The following LRP1B variants were observed in gnomAD, a reference collection of about 807,000 sequenced individuals.
LRP1B encodes low-density lipoprotein receptor-related protein 1B.
A neutral mutation model predicts 556.6 loss-of-function variants in LRP1B; 217 were observed. The observed-to-expected ratio is 0.39, with a 90% confidence interval of 0.35 to 0.44. LRP1B has a LOEUF of 0.44. Ranked by LOEUF, LRP1B falls within the 20% of genes least tolerant of loss-of-function variation. The pLI, the probability that LRP1B is intolerant of heterozygous loss-of-function variation, is 1.00. For synonymous variants in LRP1B, 2,047 were observed against 1,865.8 expected (o/e 1.10, Z -2.50); for missense variants, 5,053 against 5,620.8 (o/e 0.90, Z 3.23).
At chr2:140,850,955 C>T (rs1379083936) in intron 28 of LRP1B, among the ~76,000 whole-genome samples, 2 of 152,038 alleles carry the variant, frequency 1.3e-5, no homozygotes, top group East Asian at 3.9e-4. Flanking sequence ...TTGTTGTTGT[C>T]TTTCAGGTTA....
At chr2:140,446,152 T>C (rs1686650906) in intron 63 of LRP1B, among the ~76,000 whole-genome samples, 1 of 152,164 alleles carries the variant, frequency 6.6e-6, no homozygotes. Flanking sequence ...AATTATCTCA[T>C]ACTTTAAGCA....
chr2:141,191,713 C>A (rs1681519715), intron 6 of LRP1B, among the ~76,000 whole-genome samples: 1 of 149,336 alleles, frequency 6.7e-6, no homozygotes, highest in Non-Finnish European at 1.5e-5. Context: ...TTAACCAGGG[C>A]TTTAAAAGTG....
At chr2:141,071,124 A>G (rs1322072563) in intron 7 of LRP1B, among the ~76,000 whole-genome samples, 16 of 151,700 alleles carry the variant, frequency 1.1e-4, no homozygotes, top group Non-Finnish European at 8.8e-5. Flanking sequence ...CTGGCACACC[A>G]AATCCAGCAG....
intron 7 of LRP1B, among the ~76,000 whole-genome samples, chr2:141,114,903 C>T (rs944154421): frequency 6.6e-6 from 1 of 151,894 alleles, no homozygotes; most frequent in Admixed American, 6.6e-5. Flanking sequence ...ATTTTTAAAT[C>T]AGGGGCATGC....
intron 74 of LRP1B, among the ~76,000 whole-genome samples, 183 bp from the exon 75 acceptor site, chr2:140,356,659 C>T (rs749657218): frequency 5.3e-5 from 8 of 151,764 alleles, no homozygotes; most frequent in Non-Finnish European, 1.2e-4. Flanking sequence ...AGTATAAAAA[C>T]TAAACTCATT....
In LRP1B at chr2:140,845,932, T is replaced by C. The variant is rs143227366; in HGVS notation, c.4939+4170A>G. Among the ~76,000 whole-genome samples the C allele has an allele frequency of 2.4e-3, 363 of 152,160 alleles. 1 individual carries two copies. Among genetic ancestry groups the C allele is most frequent in the African/African-American group, 8.3e-3 (345 of 41,532 alleles). Reference sequence around the variant, plus strand: ...AACACATAAATTAGAGTTTACAAATTATAGAGTACAAAGACTGAGTTAGAG... The same window carrying C: ...AACACATAAATTAGAGTTTACAAATCATAGAGTACAAAGACTGAGTTAGAG... On this transcript the variant is annotated intron_variant, in intron 29 of 90. Coordinates refer to ENST00000389484, the MANE Select transcript of LRP1B (RefSeq NM_018557.3).
chr2:141,602,390 A>G (rs887710221), intron 2 of LRP1B, among the ~76,000 whole-genome samples: 2 of 152,182 alleles, frequency 1.3e-5, no homozygotes, highest in East Asian at 3.9e-4. Context: ...CATATAGTTA[A>G]TTAGTCAAAG....
intron 1 of LRP1B, among the ~76,000 whole-genome samples, chr2:142,072,985 A>T (rs1705375963): frequency 6.6e-6 from 1 of 152,042 alleles, no homozygotes; most frequent in African/African-American, 2.4e-5. Context: ...ATTCTCTGCA[A>T]TGTTATTCAG....
intron 2 of LRP1B, among the ~76,000 whole-genome samples, chr2:141,518,084 G>A (rs1289599760): frequency 6.6e-6 from 1 of 150,696 alleles, no homozygotes; most frequent in Non-Finnish European, 1.5e-5. Context: ...AAATAATCTG[G>A]TAGATAATGT....
intron 2 of LRP1B, among the ~76,000 whole-genome samples, chr2:141,557,749 A>G (rs1441089492): frequency 2.0e-5 from 3 of 151,914 alleles, no homozygotes; most frequent in Admixed American, 1.3e-4. Context: ...TAGACTCTAG[A>G]CTAAGAGTGT....
chr2:140,937,224 T>C (rs528285388), intron 20 of LRP1B, among the ~76,000 whole-genome samples: 1 of 151,930 alleles, frequency 6.6e-6, no homozygotes, highest in East Asian at 1.9e-4. Context: ...AGGAAACAAA[T>C]GGTAAAATGA....
chr2:141,285,378 C>A (rs947761757), intron 3 of LRP1B, among the ~76,000 whole-genome samples: 1 of 151,214 alleles, frequency 6.6e-6, no homozygotes, highest in Admixed American at 6.6e-5. Context: ...TGAGCTACCA[C>A]GCCTGGCCTC....
Position 141,649,753 on chromosome 2 carries a change from T to TCAAACTATTGCCTGA in LRP1B, c.205+160511_205+160525dup, listed in dbSNP as rs1238396643. ...TACTTTTAAAAATGATACCCTATTG[T>TCAAACTATTGCCTGA]CAAACTATTGCCTGACAAACTCTTT... On this transcript the variant is annotated intron_variant, in intron 2 of 90. Coordinates refer to ENST00000389484, the MANE Select transcript of LRP1B (RefSeq NM_018557.3). Among the ~76,000 whole-genome samples, 7 of 152,356 alleles carry TCAAACTATTGCCTGA rather than the reference T, an allele frequency of 4.6e-5. No homozygotes were observed. The South Asian group carries it at 1.4e-3, about 32-fold the overall frequency.
At chr2:141,212,249 A>ATTTTTTTTTTTTTTTTTT (rs59699046) in intron 6 of LRP1B, among the ~76,000 whole-genome samples, 3 of 62,268 alleles carry the variant, frequency 4.8e-5, no homozygotes, top group African/African-American at 2.0e-4. Flanking sequence ...AAAAGTCTAG[A>ATTTTTTTTTTTTTTTTTT]TTTTTTTTTT....
chr2:141,143,730 A>G (rs901162745), intron 7 of LRP1B, among the ~76,000 whole-genome samples: 1 of 152,056 alleles, frequency 6.6e-6, no homozygotes, highest in African/African-American at 2.4e-5. Context: ...CAGAAAATTC[A>G]ACTCTCAACC....
At chr2:141,598,258 C>G (rs1401320366) in intron 2 of LRP1B, among the ~76,000 whole-genome samples, 1 of 151,948 alleles carries the variant, frequency 6.6e-6, no homozygotes, top group Non-Finnish European at 1.5e-5. Context: ...TGTGGACACA[C>G]TTGGCACTTA....
chr2:140,630,184 T>C (rs1375494384), intron 41 of LRP1B, among the ~76,000 whole-genome samples: 2 of 152,166 alleles, frequency 1.3e-5, no homozygotes, highest in African/African-American at 2.4e-5. Flanking sequence ...TTAGAACCTT[T>C]GGAGATGGTG....
At chr2:141,215,878 A>C (rs1341364862) in intron 6 of LRP1B, among the ~76,000 whole-genome samples, 2 of 152,212 alleles carry the variant, frequency 1.3e-5, no homozygotes, top group African/African-American at 2.4e-5. Flanking sequence ...AGAGTATAAA[A>C]GTTTGGAAAG....
chr2:142,011,843 T>A (rs1012389477), intron 1 of LRP1B, among the ~76,000 whole-genome samples: 12 of 152,194 alleles, frequency 7.9e-5, no homozygotes, highest in Non-Finnish European at 1.8e-4. Flanking sequence ...TTTAAAAATT[T>A]TTAGATCTCA....
Sources: allele counts gnomAD v4.1 joint callset (sites outside exome capture counted in the v4.1 genomes callset), GRCh38; gene constraint gnomAD v4.1.1; transcripts MANE v1.5; gene names NCBI Gene and HGNC (gene_info 2026-07-23, HGNC 2026-07-21).